The following PEAK1 variants were observed in gnomAD, a reference collection of about 807,000 sequenced individuals.
PEAK1 encodes pseudopodium enriched atypical kinase 1.
In PEAK1, 54 loss-of-function variants were observed where a neutral mutation model predicts 124.7. That is an observed-to-expected ratio of 0.43 (90% CI 0.35 to 0.54). The LOEUF is 0.54. Among genes scored for constraint, PEAK1 ranks in the 20% least tolerant of loss-of-function variants. The pLI is 0.01. For synonymous variants in PEAK1, 719 were observed against 760.0 expected, an observed-to-expected ratio of 0.95 and a Z score of 0.89; for missense variants, 2,046 against 2,134.5, an observed-to-expected ratio of 0.96 and a Z score of 0.82.
At chr15:77,221,515 G>A (rs1239586765) in intron 6 of PEAK1, among the ~76,000 whole-genome samples, 1 of 151,994 alleles carries the variant, frequency 6.6e-6, no homozygotes, top group Non-Finnish European at 1.5e-5. Context: ...GCTAAGCCCA[G>A]GGGTACTGAG....
intron 7 of PEAK1, among the ~76,000 whole-genome samples, chr15:77,176,443 T>A (rs1287195664): frequency 1.3e-5 from 2 of 152,068 alleles, no homozygotes; most frequent in Non-Finnish European, 2.9e-5. Context: ...AGCATCAGTA[T>A]CACCCAGGAA....
rs183806625 is a variant in PEAK1 at position 77,358,366 on chromosome 15, C to A, written c.-603+6797G>T. ...CTCTTTGATAGTCTCTTCTTCATCT[C>A]CCATTCACTGCTAAACACACTAGAA... On this transcript the variant is annotated intron_variant, in intron 2 of 9. Coordinates refer to ENST00000682557, the MANE Select transcript of PEAK1 (RefSeq NM_001385026.1). Among the ~76,000 whole-genome samples the A allele has an allele frequency of 8.7e-4, 132 of 152,324 alleles. 1 individual carries two copies. In the East Asian group the frequency reaches 0.02, roughly 23 times the overall value.
intron 6 of PEAK1, among the ~76,000 whole-genome samples, chr15:77,238,911 G>T (rs2060240059): frequency 6.6e-6 from 1 of 152,166 alleles, no homozygotes; most frequent in African/African-American, 2.4e-5. Flanking sequence ...CATACCTTTT[G>T]CAGTATTCCA....
At chr15:77,386,147 CATTTATTCCTCAGA>C (rs1426026431) in intron 1 of PEAK1, among the ~76,000 whole-genome samples, 1 of 152,174 alleles carries the variant, frequency 6.6e-6, no homozygotes, top group Non-Finnish European at 1.5e-5. Context: ...TATTCCTCAG[CATTTATTCCTCAGA>C]AAATCTATTT....
chr15:77,389,537 C>G (rs190378114), intron 1 of PEAK1, among the ~76,000 whole-genome samples: 1 of 152,150 alleles, frequency 6.6e-6, no homozygotes, highest in Non-Finnish European at 1.5e-5. Context: ...TGTGGTTATA[C>G]ATGAAATTTT....
At chr15:77,128,952 G>C (rs2052614193) in intron 9 of PEAK1, among the ~76,000 whole-genome samples, 1 of 152,198 alleles carries the variant, frequency 6.6e-6, no homozygotes. Flanking sequence ...TAGAGGTAGA[G>C]TGCTATGGGC....
chr15:77,168,230 TGC>T (rs67103554), intron 7 of PEAK1, among the ~76,000 whole-genome samples: 11,896 of 89,628 alleles, frequency 0.13, 538 homozygotes, highest in Admixed American at 0.19. Flanking sequence ...CATATGCATG[TGC>T]GCGCGCACAC....
intron 8 of PEAK1, among the ~76,000 whole-genome samples, chr15:77,151,886 C>T (rs1032932858): frequency 6.6e-6 from 1 of 152,168 alleles, no homozygotes; most frequent in African/African-American, 2.4e-5. Flanking sequence ...GTTTTGGTAA[C>T]AGTACCATGC....
chr15:77,194,232 T>C (rs1025038911), intron 6 of PEAK1, among the ~76,000 whole-genome samples: 3 of 152,230 alleles, frequency 2.0e-5, no homozygotes, highest in African/African-American at 7.2e-5. Flanking sequence ...TTGACCCATC[T>C]AGCTATAACT....
rs115545686 is a variant in PEAK1 at position 77,295,175 on chromosome 15, A to G, written c.-602-8671T>C. Among the ~76,000 whole-genome samples the G allele has an allele frequency of 5.0e-3, 755 of 152,296 alleles. 6 individuals carry two copies. Among genetic ancestry groups the G allele is most frequent in the African/African-American group, 0.017 (714 of 41,574 alleles). On this transcript the variant is annotated intron_variant, in intron 2 of 9. Transcript: ENST00000682557. Reference sequence around the variant, plus strand: ...GGGTGACCTTATGGCTCATGTATATATGCACAGGCCACAGTGGTAGTCAGA... The same window carrying G: ...GGGTGACCTTATGGCTCATGTATATGTGCACAGGCCACAGTGGTAGTCAGA...
chr15:77,238,616 A>C (rs2060225734), intron 6 of PEAK1, among the ~76,000 whole-genome samples: 1 of 152,090 alleles, frequency 6.6e-6, no homozygotes, highest in Admixed American at 6.5e-5. Flanking sequence ...TTTGGACTTT[A>C]GAGATATCCT....
rs565552506 is a variant in PEAK1 at position 77,417,881 on chromosome 15, G to C, written c.-666+2125C>G. 7.3e-5 allele frequency: 72 copies of C among 985,176 alleles called. No homozygotes were observed. The African/African-American group carries it at 1.2e-3, about 16-fold the overall frequency. 61.0% of individuals were successfully genotyped at this position (985,176 alleles called of 1,614,324 possible). The stretch of plus-strand genomic sequence containing the variant: ...TTGGCAAATATGGTTGGCACTGCTA[G>C]ATGTTGAAAAACATGTATGCAAATA... On this transcript the variant is annotated intron_variant, in intron 1 of 9. Coordinates refer to ENST00000682557, the MANE Select transcript of PEAK1 (RefSeq NM_001385026.1).
chr15:77,337,181 C>T (rs1337032217), intron 2 of PEAK1: 1 of 984,376 alleles, frequency 1.0e-6, no homozygotes, highest in Non-Finnish European at 1.2e-6. Context: ...GTTTGAGAAG[C>T]AGGTAGAGGA....
rs565436822 is a variant in PEAK1, at chr15:77,252,874, T to C, written c.-274-348A>G. On this transcript the variant is annotated intron_variant, in intron 5 of 9. Coordinates refer to ENST00000682557, the MANE Select transcript of PEAK1 (RefSeq NM_001385026.1). ...TCATTAAACTCGAACTTTATAAAAA[T>C]ATGATTCTAAGGGCCACAATGTCCA... Among the ~76,000 whole-genome samples the C allele has an allele frequency of 4.6e-5, 7 of 152,310 alleles. No homozygotes were observed. The South Asian group carries it at 1.4e-3, about 32-fold the overall frequency.
At chr15:77,412,310 C>T (rs1190778203) in intron 1 of PEAK1, among the ~76,000 whole-genome samples, 6 of 152,210 alleles carry the variant, frequency 3.9e-5, no homozygotes, top group African/African-American at 1.4e-4. Context: ...CTTAGCATGT[C>T]TATTAGACAT....
At chr15:77,399,907 A>T (rs748340980) in intron 1 of PEAK1, among the ~76,000 whole-genome samples, 4 of 152,236 alleles carry the variant, frequency 2.6e-5, no homozygotes, top group Non-Finnish European at 5.9e-5. Flanking sequence ...ATATTTGCAA[A>T]CTACCCATTT....
intron 9 of PEAK1, 136 bp downstream of exon 9, chr15:77,132,869 T>C (rs2052994781): frequency 6.3e-6 from 5 of 790,258 alleles, no homozygotes; most frequent in Non-Finnish European, 1.0e-5. Flanking sequence ...CTTAATCTAG[T>C]ATCTGGTAAG....
At chr15:77,356,046 A>C in intron 2 of PEAK1, 1 of 610,334 alleles carries the variant, frequency 1.6e-6, no homozygotes. Context: ...GCCCATGTGC[A>C]CACGACCTGG....
In PEAK1 at chr15:77,203,710, CAA is replaced by C. The variant is rs34002668; in HGVS notation, c.-114-21672_-114-21671del. The stretch of plus-strand genomic sequence containing the variant: ...AATGGTACTGAAACAACTGGACATC[CAA>C]AAAAAAAAAAAAAATCTCAATACAG... On this transcript the variant is annotated intron_variant, in intron 6 of 9. Coordinates refer to ENST00000682557, the MANE Select transcript of PEAK1 (RefSeq NM_001385026.1). Among the ~76,000 whole-genome samples the C allele has an allele frequency of 2.0e-3, 246 of 124,232 alleles. 1 individual carries two copies. The highest frequency in any genetic ancestry group is 6.4e-3 in the African/African-American group (215 of 33,500). 81.5% of individuals were successfully genotyped at this position (124,232 alleles called of 152,430 possible). A position where few individuals can be genotyped will look rare whatever the true frequency, so the allele number is the denominator to read the frequency against.
Sources: allele counts gnomAD v4.1 joint callset (sites outside exome capture counted in the v4.1 genomes callset), GRCh38; gene constraint gnomAD v4.1.1; transcripts MANE v1.5; gene names NCBI Gene and HGNC (gene_info 2026-07-23, HGNC 2026-07-21).